TFDP2: variants seen among roughly 807,000 people sequenced by gnomAD.
TFDP2 encodes transcription factor Dp-2 (E2F dimerization partner 2).
In TFDP2, 17 loss-of-function variants were observed where a neutral mutation model predicts 59.3. That is an observed-to-expected ratio of 0.29 (90% CI 0.20 to 0.43). The LOEUF is 0.43. Among genes scored for constraint, TFDP2 ranks in the 20% least tolerant of loss-of-function variants. The pLI, the probability that TFDP2 is intolerant of heterozygous loss-of-function variation, is 1.00. For synonymous variants in TFDP2, 180 were observed against 194.7 expected, an observed-to-expected ratio of 0.92 and a Z score of 0.63; for missense variants, 391 against 528.8, an observed-to-expected ratio of 0.74 and a Z score of 2.56.
chr3:142,095,280 A>G (rs111396025), intron 2 of TFDP2, among the ~76,000 whole-genome samples: 13,661 of 152,204 alleles, frequency 0.09, 717 homozygotes, highest in Middle Eastern at 0.14. Context: ...GTGAGCCACC[A>G]CGCCTGGCTG....
Position 141,974,106 on chromosome 3 carries a change from T to C in TFDP2, c.605A>G (p.Lys202Arg), listed in dbSNP as rs781398164. The C allele has an allele frequency of 1.2e-6, 2 of 1,613,324 alleles. No individual in the cohort carries two copies. Among genetic ancestry groups the C allele is most frequent in the Non-Finnish European group, 1.7e-6 (2 of 1,179,676 alleles). The change falls in exon 8 of 13, where the codon AAA (lysine) becomes AGA (arginine). Residue 202 changes from lysine to arginine, a missense_variant. Lys to Arg is a conservative substitution (Grantham distance 26). Coordinates refer to ENST00000489671, the MANE Select transcript of TFDP2 (RefSeq NM_001178139.2). ...AGGCAGGCCAATCCACTTGATTTCT[T>C]TTTTTTCCTTTGAAATTATGTTCAT... ...MAMNIISKEK[K>R]EIKWIGLPTN...
intron 3 of TFDP2, 47 bp downstream of exon 3, chr3:142,093,014 C>A: frequency 7.8e-7 from 1 of 1,278,868 alleles, no homozygotes; most frequent in Non-Finnish European, 1.1e-6. Flanking sequence ...AAAACAAATG[C>A]AATAAAACTA....
At chr3:142,033,172 G>C (rs918325225) in intron 3 of TFDP2, among the ~76,000 whole-genome samples, 1 of 152,170 alleles carries the variant, frequency 6.6e-6, no homozygotes, top group African/African-American at 2.4e-5. Flanking sequence ...TCCAGCCTGG[G>C]CGACTGAGTG....
chr3:142,074,008 T>C (rs778907889), intron 3 of TFDP2, among the ~76,000 whole-genome samples: 37 of 152,142 alleles, frequency 2.4e-4, no homozygotes, highest in Non-Finnish European at 4.6e-4. Context: ...AAGAATAAAG[T>C]TGGAAAACTC....
chr3:142,003,409 C>G lies in TFDP2; in HGVS notation c.186+2032G>C, dbSNP rs144867937. ...CCTCCCAAAGTGCTGGGATTACAGG[C>G]GTGAGACACCACACCCAGCCTCAAC... On this transcript the variant is annotated intron_variant, in intron 4 of 12. Transcript: ENST00000489671. 5.5e-3 allele frequency among the ~76,000 whole-genome samples: 830 copies of G among 152,212 alleles called. 13 individuals are homozygous for G. The highest frequency in any genetic ancestry group is 0.019 in the African/African-American group (790 of 41,520).
chr3:141,956,799 T>A (rs1306021199), intron 11 of TFDP2, among the ~76,000 whole-genome samples: 2 of 149,764 alleles, frequency 1.3e-5, no homozygotes, highest in East Asian at 4.0e-4. Context: ...GTGGCACACA[T>A]CTGTGGTCCC....
At chr3:141,999,614 T>C (rs1053276383) in intron 4 of TFDP2, among the ~76,000 whole-genome samples, 1 of 152,200 alleles carries the variant, frequency 6.6e-6, no homozygotes, top group African/African-American at 2.4e-5. Context: ...AAACTTTTCA[T>C]GGGGCCTTTT....
intron 3 of TFDP2, among the ~76,000 whole-genome samples, chr3:142,024,036 G>A (rs1945876048): frequency 6.6e-6 from 1 of 152,078 alleles, no homozygotes; most frequent in East Asian, 1.9e-4. Context: ...CTGAGTTAAA[G>A]TGATCTGCCT....
intron 10 of TFDP2, among the ~76,000 whole-genome samples, chr3:141,961,547 T>A (rs774141093): frequency 3.9e-5 from 6 of 152,060 alleles, no homozygotes; most frequent in Non-Finnish European, 8.8e-5. Flanking sequence ...CCGGCCTGAA[T>A]TCTCAGTTTT....
intron 3 of TFDP2, among the ~76,000 whole-genome samples, chr3:142,041,668 T>C (rs1462941324): frequency 6.6e-6 from 1 of 152,202 alleles, no homozygotes; most frequent in African/African-American, 2.4e-5. Flanking sequence ...TACAAGAAGT[T>C]TTAATTTTAA....
intron 1 of TFDP2, among the ~76,000 whole-genome samples, chr3:142,113,820 C>T (rs73233891): frequency 0.085 from 12,969 of 152,176 alleles, 695 homozygotes; most frequent in Middle Eastern, 0.14. Context: ...AATGAAACAA[C>T]TGTATAATCA....
chr3:142,101,606 T>C, intron 2 of TFDP2, 129 bp downstream of exon 2: 4 of 580,444 alleles, frequency 6.9e-6, no homozygotes, highest in Non-Finnish European at 1.1e-5. Context: ...TGCATAAACA[T>C]AAACAAATAC....
rs918306963 is a variant in TFDP2 at position 142,124,724 on chromosome 3, A to T, written c.-92-22883T>A. Reference sequence around the variant, plus strand: ...ACTGATATGACTACAAAAAATGCACATTTTTTTTTACATTTAAAGAAAACA... The same window carrying T: ...ACTGATATGACTACAAAAAATGCACTTTTTTTTTTACATTTAAAGAAAACA... On this transcript the variant is annotated intron_variant, in intron 1 of 12. Transcript: ENST00000489671. Among the ~76,000 whole-genome samples the T allele has an allele frequency of 2.5e-4, 38 of 151,494 alleles. 1 individual carries two copies. The highest frequency in any genetic ancestry group is 2.5e-3 in the Admixed American group (38 of 15,202).
At chr3:142,040,827 C>A (rs1461630500) in intron 3 of TFDP2, among the ~76,000 whole-genome samples, 1 of 151,954 alleles carries the variant, frequency 6.6e-6, no homozygotes, top group Non-Finnish European at 1.5e-5. Context: ...TCACTTGAGC[C>A]CAGGAGTTTG....
intron 6 of TFDP2, among the ~76,000 whole-genome samples, chr3:141,979,121 C>T (rs939965889): frequency 1.3e-5 from 2 of 152,154 alleles, no homozygotes; most frequent in African/African-American, 4.8e-5. Flanking sequence ...GCATATACAA[C>T]AGTAGTCCAA....
intron 1 of TFDP2, among the ~76,000 whole-genome samples, chr3:142,103,845 A>T (rs570265732): frequency 1.3e-5 from 2 of 152,282 alleles, no homozygotes; most frequent in East Asian, 3.9e-4. Flanking sequence ...TATATGTTAG[A>T]ATTTGAATCT....
chr3:142,106,730 A>G (rs1314450519), intron 1 of TFDP2, among the ~76,000 whole-genome samples: 1 of 152,232 alleles, frequency 6.6e-6, no homozygotes, highest in Non-Finnish European at 1.5e-5. Context: ...CATTATGTCA[A>G]GCTCAAAAAG....
chr3:142,089,761 AG>A (rs1333828864), intron 3 of TFDP2, among the ~76,000 whole-genome samples: 1 of 152,136 alleles, frequency 6.6e-6, no homozygotes, highest in Non-Finnish European at 1.5e-5. Context: ...GCTCTAAGAA[AG>A]GTATTTATAA....
intron 2 of TFDP2, among the ~76,000 whole-genome samples, chr3:142,094,818 A>G (rs972503893): frequency 2.0e-5 from 3 of 152,168 alleles, no homozygotes; most frequent in African/African-American, 4.8e-5. Flanking sequence ...CGAAGATTCA[A>G]TTTAAGATCT....
Sources: allele counts gnomAD v4.1 joint callset (sites outside exome capture counted in the v4.1 genomes callset), GRCh38; gene constraint gnomAD v4.1.1; transcripts MANE v1.5; gene names NCBI Gene and HGNC (gene_info 2026-07-23, HGNC 2026-07-21).